Variants in DNA2 observed in about 807,000 individuals in gnomAD.
The protein encoded by DNA2 is DNA replication helicase/nuclease 2.
Under a neutral mutation model 119.1 loss-of-function variants are expected in DNA2, and 101 were observed. The ratio of observed to expected loss-of-function variants is 0.85; its 90% CI spans 0.72 to 1.00. DNA2 has a LOEUF of 1.00. DNA2 is among the 50% of genes least tolerant of loss of function. The pLI, the probability that DNA2 is intolerant of heterozygous loss-of-function variation, is 0.00. For synonymous variants in DNA2, 366 were observed against 424.4 expected (o/e 0.86, Z 1.69); for missense variants, 1,121 against 1,255.5 (o/e 0.89, Z 1.62).
At chr10:68,467,377 G>A (rs961307632) in intron 3 of DNA2, among the ~76,000 whole-genome samples, 1 of 151,904 alleles carries the variant, frequency 6.6e-6, no homozygotes, top group African/African-American at 2.4e-5. Flanking sequence ...TCAAAGTGCT[G>A]GGATTACAGG....
At chr10:68,423,807 C>G (rs1455307070) in intron 14 of DNA2, among the ~76,000 whole-genome samples, 1 of 152,212 alleles carries the variant, frequency 6.6e-6, no homozygotes, top group Non-Finnish European at 1.5e-5. Context: ...TAACGAGGAA[C>G]CTCCCACTTT....
intron 1 of DNA2, chr10:68,470,619 G>C: frequency 2.2e-6 from 1 of 450,976 alleles, no homozygotes; most frequent in Non-Finnish European, 4.4e-6. Flanking sequence ...GGTTCTGGCG[G>C]AGAAAAAAGA....
rs2133356305 is a variant in DNA2, at chr10:68,419,205, G to C, written c.2796C>G (p.Cys932Trp). 6.4e-7 allele frequency: 1 copy of C among 1,572,634 alleles called. No homozygotes were observed. The highest frequency in any genetic ancestry group is 8.6e-7 in the Non-Finnish European group (1 of 1,164,282). Residue 932 changes from cysteine to tryptophan, a missense_variant, in exon 19 of 21, where the codon TGC (cysteine) becomes TGG (tryptophan). Physicochemically the swap from Cys to Trp is radical, Grantham distance 215 (BLOSUM62 -2). Coordinates refer to ENST00000358410, the MANE Select transcript of DNA2 (RefSeq NM_001080449.3). ...CAATAATACCAATATCAGAGGGACT[G>C]CATCCAGCCTAAATAGAAAAAGACA... ...FLTSIFVKAG[C>W]SPSDIGIIAP...
rs1171959447 is a variant in DNA2 at position 68,471,867 on chromosome 10, T to C, written c.-3A>G. The stretch of plus-strand genomic sequence containing the variant: ...TCCAGTTCGTTCAGCTGCTCCATCC[T>C]GGACGCGGGGATCGCAAACTGTAGA... On this transcript the variant is annotated 5_prime_UTR_variant, in exon 1 of 21. Transcript: ENST00000358410. 5.0e-6 allele frequency: 8 copies of C among 1,613,840 alleles called. No individual in the cohort carries two copies. The East Asian group carries it at 8.9e-5, about 18-fold the overall frequency.
At chr10:68,432,688 C>G (rs183893374) in intron 10 of DNA2, among the ~76,000 whole-genome samples, 178 bp from the exon 11 acceptor site, 189 of 152,194 alleles carry the variant, frequency 1.2e-3, no homozygotes, top group Admixed American at 1.4e-3. Context: ...TGGGAAAAGG[C>G]AGAGGGAAGG....
intron 2 of DNA2, among the ~76,000 whole-genome samples, chr10:68,469,019 TAGCC>T (rs2052356931): frequency 6.6e-6 from 1 of 151,984 alleles, no homozygotes; most frequent in Non-Finnish European, 1.5e-5. Flanking sequence ...CATTGCACTC[TAGCC>T]TGGGCGACAG....
chr10:68,427,750 T>A (rs531740865), intron 14 of DNA2, among the ~76,000 whole-genome samples: 2 of 151,648 alleles, frequency 1.3e-5, no homozygotes, highest in African/African-American at 4.8e-5. Flanking sequence ...AAAAATAGTA[T>A]CAGCTGGGCA....
intron 5 of DNA2, among the ~76,000 whole-genome samples, 179 bp from the exon 6 acceptor site, chr10:68,450,426 C>T (rs1241676612): frequency 6.6e-6 from 1 of 152,148 alleles, no homozygotes; most frequent in Non-Finnish European, 1.5e-5. Context: ...CACCTGAGAA[C>T]TTGCTATAAA....
At chr10:68,440,965 G>A (rs538704209) in intron 9 of DNA2, among the ~76,000 whole-genome samples, 2 of 152,144 alleles carry the variant, frequency 1.3e-5, no homozygotes, top group East Asian at 3.9e-4. Flanking sequence ...AGGATCACTT[G>A]AGCTCAGGAA....
At chr10:68,417,607 T>C (rs1457349513) in intron 19 of DNA2, among the ~76,000 whole-genome samples, 3 of 149,144 alleles carry the variant, frequency 2.0e-5, no homozygotes, top group Non-Finnish European at 4.4e-5. Flanking sequence ...GAGCCGAGAT[T>C]GTGCCATTGC....
intron 9 of DNA2, among the ~76,000 whole-genome samples, chr10:68,439,287 G>A (rs190538481): frequency 3.6e-4 from 53 of 149,138 alleles, no homozygotes; most frequent in African/African-American, 1.2e-3. Context: ...CCAGCTACTC[G>A]GGAGGCTGAG....
At position 68,465,933 on chromosome 10, in the gene DNA2, T is replaced by G. The variant is rs2052321681; in HGVS notation, c.442-121A>C. 2.2e-5 allele frequency: 20 copies of G among 910,186 alleles called. No homozygotes were observed. In the South Asian group the frequency reaches 8.6e-4, roughly 39 times the overall value. 56.4% of individuals were successfully genotyped at this position (910,186 alleles called of 1,614,324 possible). On this transcript the variant is annotated intron_variant, in intron 3 of 20. Coordinates refer to ENST00000358410, the MANE Select transcript of DNA2 (RefSeq NM_001080449.3). ...CACTGGTAAGACAAATGCCAAAATATTAAAAAAATTTTTTTCTGGTGCGTG... is the reference window on the plus strand; with the variant it reads ...CACTGGTAAGACAAATGCCAAAATAGTAAAAAAATTTTTTTCTGGTGCGTG...
At chr10:68,425,493 C>G (rs1297283836) in intron 14 of DNA2, among the ~76,000 whole-genome samples, 1 of 151,714 alleles carries the variant, frequency 6.6e-6, no homozygotes, top group South Asian at 2.1e-4. Flanking sequence ...GCTCCGCCTC[C>G]CCGGTTCACG....
chr10:68,440,298 A>T (rs913257857), intron 9 of DNA2, among the ~76,000 whole-genome samples: 1 of 151,912 alleles, frequency 6.6e-6, no homozygotes, highest in Non-Finnish European at 1.5e-5. Flanking sequence ...TTTATTTTTT[A>T]TTTATTTATT....
chr10:68,465,768 G>A lies in DNA2; in HGVS notation c.486C>T (p.Leu162=), dbSNP rs747798578. The part of the protein sequence containing the change: ...ATRQMLIGTV[L]HEVFQKAINN... ...TTATGGCTTTTTGAAACACCTCATG[G>A]AGAACCGTACCAATTAGCATTTGGC... The change falls in exon 4 of 21, where the codon CTC becomes CTT. Residue 162 remains leucine (L), a synonymous_variant. Coordinates refer to ENST00000358410, the MANE Select transcript of DNA2 (RefSeq NM_001080449.3). 14 of 1,606,750 alleles carry A rather than the reference G, an allele frequency of 8.7e-6. No individual in the cohort carries two copies. The highest frequency in any genetic ancestry group is 1.7e-4 in the Middle Eastern group (1 of 6,040).
intron 8 of DNA2, among the ~76,000 whole-genome samples, chr10:68,444,552 T>G (rs566323361): frequency 6.6e-6 from 1 of 151,708 alleles, no homozygotes; most frequent in African/African-American, 2.4e-5. Flanking sequence ...CGGTGAAACC[T>G]CTTCTCTACT....
At chr10:68,416,139 C>T (rs1426086374) in intron 20 of DNA2, among the ~76,000 whole-genome samples, 4 of 152,110 alleles carry the variant, frequency 2.6e-5, no homozygotes, top group Non-Finnish European at 5.9e-5. Context: ...CCTGCCACTA[C>T]ACTCCAGCCT....
chr10:68,468,018 T>C (rs2052346394), intron 3 of DNA2, 105 bp downstream of exon 3: 2 of 893,134 alleles, frequency 2.2e-6, no homozygotes, highest in Non-Finnish European at 1.6e-6. Context: ...ATTAATACCA[T>C]TTATTTTATA....
At chr10:68,449,189 T>G (rs2052085455) in intron 6 of DNA2, among the ~76,000 whole-genome samples, 2 of 152,162 alleles carry the variant, frequency 1.3e-5, no homozygotes, top group Non-Finnish European at 2.9e-5. Flanking sequence ...ATTTTCAGTC[T>G]CATATACACA....
Sources: allele counts gnomAD v4.1 joint callset (sites outside exome capture counted in the v4.1 genomes callset), GRCh38; gene constraint gnomAD v4.1.1; transcripts MANE v1.5; gene names NCBI Gene and HGNC (gene_info 2026-07-23, HGNC 2026-07-21).